The following SULF1 variants were observed in gnomAD, a reference collection of about 807,000 sequenced individuals.
SULF1 encodes the protein extracellular sulfatase Sulf-1.
SULF1 carries 46 observed loss-of-function variants against 110.5 expected under a neutral mutation model. The observed-to-expected ratio is 0.42, with a 90% CI of 0.33 to 0.53. The LOEUF (loss-of-function observed/expected upper bound fraction) is 0.53, where lower values mean the gene tolerates loss of function less well. SULF1 is among the 20% of genes least tolerant of loss of function. The probability of loss-of-function intolerance (pLI) is 0.12; values close to 1 mark genes in which losing one functional copy is unlikely to be tolerated. For synonymous variants in SULF1, 371 were observed against 387.1 expected (o/e 0.96, Z 0.49); for missense variants, 941 against 1,094.2 (o/e 0.86, Z 1.98).
intron 2 of SULF1, among the ~76,000 whole-genome samples, chr8:69,497,205 T>C (rs1487513775): frequency 1.4e-5 from 2 of 146,814 alleles, no homozygotes; most frequent in Admixed American, 7.0e-5. Context: ...TCACCTAGGC[T>C]GGAGTGCCGT....
At chr8:69,495,155 A>G (rs1810251460) in intron 1 of SULF1, among the ~76,000 whole-genome samples, 1 of 152,198 alleles carries the variant, frequency 6.6e-6, no homozygotes, top group Non-Finnish European at 1.5e-5. Flanking sequence ...TTGGAGTAAT[A>G]TCAGGTTGAG....
At chr8:69,487,434 G>C (rs1171630113) in intron 1 of SULF1, among the ~76,000 whole-genome samples, 2 of 152,196 alleles carry the variant, frequency 1.3e-5, no homozygotes, top group East Asian at 3.8e-4. Context: ...CTTTGAAGTG[G>C]GGGTGCAGAG....
At chr8:69,609,929 G>C (rs928114126) in intron 13 of SULF1, among the ~76,000 whole-genome samples, 1 of 152,186 alleles carries the variant, frequency 6.6e-6, no homozygotes, top group African/African-American at 2.4e-5. Flanking sequence ...GAGCATTAAT[G>C]GGTTGGTTTT....
At chr8:69,655,703 C>G (rs62512196) in intron 22 of SULF1, among the ~76,000 whole-genome samples, 4 of 152,118 alleles carry the variant, frequency 2.6e-5, no homozygotes, top group Non-Finnish European at 5.9e-5. Context: ...GCACCATGCC[C>G]GGTCTAAATC....
chr8:69,607,983 T>C (rs1296205197), intron 13 of SULF1, among the ~76,000 whole-genome samples: 1 of 152,176 alleles, frequency 6.6e-6, no homozygotes, highest in Non-Finnish European at 1.5e-5. Context: ...AAAATCAGCA[T>C]GACTAGCCCC....
chr8:69,472,241 G>T (rs1809116213), intron 1 of SULF1, among the ~76,000 whole-genome samples: 2 of 152,132 alleles, frequency 1.3e-5, no homozygotes, highest in African/African-American at 4.8e-5. Flanking sequence ...ATTCTCTAAG[G>T]GTCATGTGCT....
intron 1 of SULF1, among the ~76,000 whole-genome samples, chr8:69,476,420 T>C (rs576313975): frequency 6.6e-6 from 1 of 152,328 alleles, no homozygotes; most frequent in East Asian, 1.9e-4. Flanking sequence ...ATAGATTTCT[T>C]AGAAGTAGAA....
chr8:69,655,857 T>C (rs780974420), intron 22 of SULF1, among the ~76,000 whole-genome samples: 2 of 152,258 alleles, frequency 1.3e-5, no homozygotes, highest in Non-Finnish European at 2.9e-5. Flanking sequence ...GCATTATTTC[T>C]AGCGTGTCCT....
At chr8:69,486,434 A>AT (rs375078763) in intron 1 of SULF1, among the ~76,000 whole-genome samples, 2 of 151,284 alleles carry the variant, frequency 1.3e-5, no homozygotes, top group African/African-American at 4.9e-5. Context: ...CTAAACAGAA[A>AT]ACCCAGTCAT....
At chr8:69,566,465 A>C (rs965812830) in intron 5 of SULF1, among the ~76,000 whole-genome samples, 1 of 152,194 alleles carries the variant, frequency 6.6e-6, no homozygotes, top group Non-Finnish European at 1.5e-5. Flanking sequence ...ATCATGGTGA[A>C]GGGTTATAGA....
At position 69,642,533 on chromosome 8, in the gene SULF1, CTGGGTA is replaced by C. The variant is rs1160263086; in HGVS notation, c.2585+1697_2585+1702del. 10 of 347,524 alleles carry C rather than the reference CTGGGTA, an allele frequency of 2.9e-5. No homozygotes were observed. In the East Asian group the frequency reaches 1.0e-3, roughly 35 times the overall value. 21.5% of individuals were successfully genotyped at this position (347,524 alleles called of 1,614,324 possible). A position where few individuals can be genotyped will look rare whatever the true frequency, so the allele number is the denominator to read the frequency against. On this transcript the variant is annotated intron_variant, in intron 22 of 22. Coordinates refer to ENST00000402687, the MANE Select transcript of SULF1 (RefSeq NM_001128205.2). ...GACCCCATCCTTGAGCTGGTCTCCC[CTGGGTA>C]TGGGCTGAGGTAACATCCCACACAC...
At chr8:69,528,170 C>T (rs1812831237) in intron 3 of SULF1, among the ~76,000 whole-genome samples, 1 of 152,112 alleles carries the variant, frequency 6.6e-6, no homozygotes, top group Admixed American at 6.5e-5. Flanking sequence ...ATGAGGAGTT[C>T]AGAGTTTCAG....
chr8:69,638,419 G>T, intron 19 of SULF1, 83 bp from the exon 20 acceptor site: 1 of 1,470,266 alleles, frequency 6.8e-7, no homozygotes, highest in Non-Finnish European at 9.2e-7. Context: ...AAAGTGTAAA[G>T]ATAAGGGAAC....
intron 3 of SULF1, among the ~76,000 whole-genome samples, chr8:69,534,284 G>A (rs953940624): frequency 3.9e-5 from 6 of 152,294 alleles, no homozygotes; most frequent in African/African-American, 1.4e-4. Flanking sequence ...TTGTTTAAAT[G>A]TCTTTAATAT....
chr8:69,474,142 C>T (rs2150533013), intron 1 of SULF1, among the ~76,000 whole-genome samples: 1 of 152,258 alleles, frequency 6.6e-6, no homozygotes, highest in South Asian at 2.1e-4. Context: ...TATGATGTTA[C>T]AGGCATAATC....
chr8:69,536,322 T>C lies in SULF1; in HGVS notation c.-133-27217T>C, dbSNP rs575803664. 2.0e-4 allele frequency among the ~76,000 whole-genome samples: 31 copies of C among 152,306 alleles called. 1 individual carries two copies. The South Asian group carries it at 4.6e-3, about 22-fold the overall frequency. On this transcript the variant is annotated intron_variant, in intron 3 of 22. Transcript: ENST00000402687. ...TCTTATTCAAACAATGTGTAAAGGA[T>C]CAGAAAGTAAATGTTGTTCCCTTTC...
At chr8:69,644,364 G>C (rs955363707) in intron 22 of SULF1, among the ~76,000 whole-genome samples, 4 of 152,240 alleles carry the variant, frequency 2.6e-5, no homozygotes, top group African/African-American at 9.6e-5. Flanking sequence ...GGATAATGCT[G>C]AATGCAGGAC....
At chr8:69,578,173 G>T (rs916143267) in intron 6 of SULF1, among the ~76,000 whole-genome samples, 1 of 152,116 alleles carries the variant, frequency 6.6e-6, no homozygotes, top group African/African-American at 2.4e-5. Context: ...CATGTTTCCT[G>T]GTACTTGCTT....
intron 8 of SULF1, among the ~76,000 whole-genome samples, chr8:69,593,915 C>T (rs1252564750): frequency 6.6e-6 from 1 of 152,220 alleles, no homozygotes; most frequent in Admixed American, 6.5e-5. Flanking sequence ...TCATCATATA[C>T]ACCTGTGGAC....
Sources: gnomAD v4.1 joint callset for allele counts (sites outside exome capture counted in the v4.1 genomes callset) on GRCh38, gnomAD v4.1.1 for gene constraint, MANE v1.5 for transcripts, NCBI Gene and HGNC (gene_info 2026-07-23, HGNC 2026-07-21) for gene names.